The following LRRC4C variants were observed in gnomAD, a reference collection of about 807,000 sequenced individuals.
LRRC4C encodes the protein leucine-rich repeat-containing protein 4C.
In LRRC4C, 5 loss-of-function variants were observed where a neutral mutation model predicts 33.6. That is an observed-to-expected ratio of 0.15 (90% CI 0.08 to 0.31). The LOEUF (loss-of-function observed/expected upper bound fraction) is 0.31, where lower values mean the gene tolerates loss of function less well. LRRC4C is among the 10% of genes least tolerant of loss of function. LRRC4C has a pLI of 1.00. For missense variants in LRRC4C, 560 were observed against 796.7 expected, an observed-to-expected ratio of 0.70 and a Z score of 3.58; for synonymous variants, 329 against 302.0, an observed-to-expected ratio of 1.09 and a Z score of -0.93.
Position 40,589,474 on chromosome 11 carries a change from T to C in LRRC4C, c.-270+58668A>G, listed in dbSNP as rs1958930527. ...TTTTAATTGGAGCATTTAGTCCATT[T>C]ACATTTAAAGTTAATATTGTTATGT... On this transcript the variant is annotated intron_variant, in intron 3 of 6. Transcript: ENST00000528697. Among the ~76,000 whole-genome samples the C allele has an allele frequency of 3.3e-5, 5 of 152,016 alleles. No homozygotes were observed. In the South Asian group the frequency reaches 1.0e-3, roughly 32 times the overall value.
intron 2 of LRRC4C, among the ~76,000 whole-genome samples, chr11:40,740,543 T>C (rs559144787): frequency 6.6e-6 from 1 of 152,074 alleles, no homozygotes; most frequent in Non-Finnish European, 1.5e-5. Context: ...TTAGATATTA[T>C]CACCTCATCA....
chr11:40,693,431 C>G (rs1466385865), intron 2 of LRRC4C, among the ~76,000 whole-genome samples: 1 of 152,068 alleles, frequency 6.6e-6, no homozygotes, highest in Non-Finnish European at 1.5e-5. Context: ...AAATGTGTAT[C>G]TTGTCAATTG....
At position 40,953,247 on chromosome 11, in the gene LRRC4C, T is replaced by C. The variant is rs539999469; in HGVS notation, c.-495-19524A>G. Among the ~76,000 whole-genome samples the C allele has an allele frequency of 2.2e-4, 33 of 152,020 alleles. No homozygotes were observed. In the South Asian group the frequency reaches 6.8e-3, roughly 32 times the overall value. On this transcript the variant is annotated intron_variant, in intron 1 of 6. Coordinates refer to ENST00000528697, the MANE Select transcript of LRRC4C (RefSeq NM_001258419.2). ...GTAAGGGAGTTATACAAAAAAATAA[T>C]TATTCGATCTGCAGATTCCAGAGGC...
chr11:40,638,435 T>A lies in LRRC4C; in HGVS notation c.-270+9707A>T, dbSNP rs142933004. On this transcript the variant is annotated intron_variant, in intron 3 of 6. Coordinates refer to ENST00000528697, the MANE Select transcript of LRRC4C (RefSeq NM_001258419.2). ...CTCTGTAATTCATTGGCTCTTAACC[T>A]TGTGCATAAGTCTCTCTTAGTCATA... is the stretch of plus-strand genomic sequence containing the variant. Among the ~76,000 whole-genome samples the A allele has an allele frequency of 5.3e-3, 809 of 152,328 alleles. 8 individuals are homozygous for A. The highest frequency in any genetic ancestry group is 0.014 in the Middle Eastern group (4 of 294).
At chr11:40,693,132 A>G (rs973570990) in intron 2 of LRRC4C, among the ~76,000 whole-genome samples, 1 of 152,122 alleles carries the variant, frequency 6.6e-6, no homozygotes, top group Non-Finnish European at 1.5e-5. Flanking sequence ...ACACCTCTGC[A>G]CACTTACATA....
chr11:41,333,225 T>C (rs984028536), intron 1 of LRRC4C, among the ~76,000 whole-genome samples: 1 of 152,212 alleles, frequency 6.6e-6, no homozygotes. Context: ...ATAATGTCTA[T>C]TATTTTGTAA....
chr11:41,001,305 A>G (rs1456133200), intron 1 of LRRC4C, among the ~76,000 whole-genome samples: 1 of 152,164 alleles, frequency 6.6e-6, no homozygotes, highest in Non-Finnish European at 1.5e-5. Flanking sequence ...AGAAAAATGA[A>G]TCATGTCTTA....
intron 1 of LRRC4C, among the ~76,000 whole-genome samples, chr11:41,396,922 G>T (rs1052353950): frequency 6.6e-6 from 1 of 152,032 alleles, no homozygotes; most frequent in African/African-American, 2.4e-5. Context: ...CAAAGTGAGA[G>T]AAAATTTTTG....
intron 1 of LRRC4C, among the ~76,000 whole-genome samples, chr11:40,979,621 C>A (rs1338251711): frequency 1.3e-5 from 2 of 152,110 alleles, no homozygotes; most frequent in Non-Finnish European, 2.9e-5. Flanking sequence ...ATTTGAGAAG[C>A]CCGAATTCAT....
At chr11:40,124,926 T>C (rs1194425723) in intron 6 of LRRC4C, among the ~76,000 whole-genome samples, 2 of 152,004 alleles carry the variant, frequency 1.3e-5, no homozygotes, top group African/African-American at 4.8e-5. Flanking sequence ...CATAAATATA[T>C]ACACCTACTA....
intron 2 of LRRC4C, among the ~76,000 whole-genome samples, chr11:40,859,657 TC>T: frequency 6.6e-6 from 1 of 152,172 alleles, no homozygotes; most frequent in East Asian, 1.9e-4. Flanking sequence ...CTCAAATGTT[TC>T]TAGCAGAATT....
chr11:40,186,871 G>A (rs748944808), intron 5 of LRRC4C, among the ~76,000 whole-genome samples: 2 of 152,172 alleles, frequency 1.3e-5, no homozygotes, highest in Non-Finnish European at 1.5e-5. Context: ...TCACCCCTGT[G>A]CACCCTACCA....
intron 1 of LRRC4C, among the ~76,000 whole-genome samples, chr11:40,966,041 T>C (rs1266879800): frequency 6.6e-6 from 1 of 152,046 alleles, no homozygotes; most frequent in African/African-American, 2.4e-5. Context: ...CTCTTTTATT[T>C]AATTGAGCAG....
chr11:40,316,788 T>C (rs1214603019), intron 4 of LRRC4C, among the ~76,000 whole-genome samples: 1 of 151,922 alleles, frequency 6.6e-6, no homozygotes, highest in African/African-American at 2.4e-5. Flanking sequence ...TTCACTATGA[T>C]GTGATTTGGT....
intron 1 of LRRC4C, among the ~76,000 whole-genome samples, chr11:41,379,551 G>C (rs1470476728): frequency 6.6e-6 from 1 of 152,094 alleles, no homozygotes; most frequent in African/African-American, 2.4e-5. Context: ...ATAGAATAAA[G>C]TTAAGTATCA....
Position 40,920,532 on chromosome 11 carries a change from A to G in LRRC4C, c.-407+13103T>C, listed in dbSNP as rs547997774. On this transcript the variant is annotated intron_variant, in intron 2 of 6. Coordinates refer to ENST00000528697, the MANE Select transcript of LRRC4C (RefSeq NM_001258419.2). ...GGAATTTCTAGAATAAATATAAGACATTTTCTATATTTTTGTAGCTAGGAA... is the reference window on the plus strand; with the variant it reads ...GGAATTTCTAGAATAAATATAAGACGTTTTCTATATTTTTGTAGCTAGGAA... 3.7e-3 allele frequency among the ~76,000 whole-genome samples: 565 copies of G among 152,094 alleles called. 2 individuals are homozygous for G. The highest frequency in any genetic ancestry group is 5.4e-3 in the Non-Finnish European group (366 of 68,016).
intron 1 of LRRC4C, among the ~76,000 whole-genome samples, chr11:41,044,939 T>C (rs1857670896): frequency 6.6e-6 from 1 of 152,114 alleles, no homozygotes; most frequent in South Asian, 2.1e-4. Flanking sequence ...TGAGGCCTAT[T>C]ACTCTTGCTT....
At chr11:40,585,858 A>G (rs1198550177) in intron 3 of LRRC4C, among the ~76,000 whole-genome samples, 2 of 135,494 alleles carry the variant, frequency 1.5e-5, no homozygotes, top group African/African-American at 5.4e-5. Context: ...AAATTTTCTT[A>G]ATCCAGTCTA....
intron 1 of LRRC4C, among the ~76,000 whole-genome samples, chr11:41,334,956 C>A (rs904114447): frequency 6.6e-6 from 1 of 152,146 alleles, no homozygotes; most frequent in Non-Finnish European, 1.5e-5. Flanking sequence ...TGACTCCCCA[C>A]TTAAATGCAA....
Sources: allele counts gnomAD v4.1 joint callset (sites outside exome capture counted in the v4.1 genomes callset), GRCh38; gene constraint gnomAD v4.1.1; transcripts MANE v1.5; gene names NCBI Gene and HGNC (gene_info 2026-07-23, HGNC 2026-07-21).